The following LUZP2 variants were observed in gnomAD, a reference collection of about 807,000 sequenced individuals.
LUZP2 encodes the protein leucine zipper protein 2.
A neutral mutation model predicts 51.6 loss-of-function variants in LUZP2; 52 were observed. That is an observed-to-expected ratio of 1.01 (90% CI 0.81 to 1.27). The LOEUF (loss-of-function observed/expected upper bound fraction) is 1.27, where lower values mean the gene tolerates loss of function less well. LUZP2 is among the 50% of genes most tolerant of loss of function. The pLI is 0.00. For synonymous variants in LUZP2, 154 were observed against 137.3 expected (o/e 1.12, Z -0.85); for missense variants, 436 against 395.4 (o/e 1.10, Z -0.87).
chr11:24,582,772 G>T (rs762770487), intron 1 of LUZP2, among the ~76,000 whole-genome samples: 1 of 151,374 alleles, frequency 6.6e-6, no homozygotes, highest in African/African-American at 2.4e-5. Context: ...TGTTTTTTTT[G>T]ACTACATTGG....
chr11:25,014,900 T>C (rs1857103007), intron 9 of LUZP2, among the ~76,000 whole-genome samples: 1 of 152,144 alleles, frequency 6.6e-6, no homozygotes, highest in South Asian at 2.1e-4. Context: ...CATTTAAGTC[T>C]TTACTCCATC....
At chr11:24,545,351 T>G (rs1438159385) in intron 1 of LUZP2, among the ~76,000 whole-genome samples, 1 of 151,872 alleles carries the variant, frequency 6.6e-6, no homozygotes, top group Non-Finnish European at 1.5e-5. Context: ...CTTTGCTCCT[T>G]TTTATTTCCA....
At chr11:24,856,874 A>G (rs933513600) in intron 5 of LUZP2, among the ~76,000 whole-genome samples, 4 of 152,064 alleles carry the variant, frequency 2.6e-5, no homozygotes, top group Non-Finnish European at 5.9e-5. Flanking sequence ...CTCACTTATA[A>G]GTGGGAGCTA....
At chr11:24,653,374 A>C (rs552677427) in intron 1 of LUZP2, among the ~76,000 whole-genome samples, 15 of 152,284 alleles carry the variant, frequency 9.9e-5, no homozygotes, top group African/African-American at 3.6e-4. Flanking sequence ...AGTTTTCATT[A>C]TACCCCCAAA....
intron 1 of LUZP2, among the ~76,000 whole-genome samples, chr11:24,602,140 A>ATATATG (rs1565020445): frequency 1.3e-5 from 1 of 78,600 alleles, no homozygotes; most frequent in Non-Finnish European, 2.5e-5. Context: ...ATGTGTATAT[A>ATATATG]TGTATATATG....
At chr11:24,619,135 C>T (rs1056007846) in intron 1 of LUZP2, among the ~76,000 whole-genome samples, 21 of 151,992 alleles carry the variant, frequency 1.4e-4, no homozygotes, top group Non-Finnish European at 2.8e-4. Flanking sequence ...CTCAGGCTAT[C>T]CCCCTGCTTC....
intron 1 of LUZP2, among the ~76,000 whole-genome samples, chr11:24,502,911 A>C (rs1850041586): frequency 6.6e-6 from 1 of 152,214 alleles, no homozygotes; most frequent in South Asian, 2.1e-4. Context: ...GGTAGGGTAG[A>C]CTTGAAAGTT....
At chr11:24,839,718 A>G (rs1850965441) in intron 5 of LUZP2, among the ~76,000 whole-genome samples, 1 of 151,710 alleles carries the variant, frequency 6.6e-6, no homozygotes, top group Admixed American at 6.6e-5. Flanking sequence ...CAAAATAGTT[A>G]AGATACAGAA....
chr11:24,525,456 CTG>C (rs1850769822), intron 1 of LUZP2, among the ~76,000 whole-genome samples: 1 of 151,060 alleles, frequency 6.6e-6, no homozygotes, highest in African/African-American at 2.4e-5. Flanking sequence ...AGGAATCAGT[CTG>C]TGAAAATATT....
intron 1 of LUZP2, among the ~76,000 whole-genome samples, chr11:24,699,086 A>ACAC (rs1857338647): frequency 1.4e-5 from 2 of 138,370 alleles, no homozygotes; most frequent in Admixed American, 1.5e-4. Flanking sequence ...AAACCACAGA[A>ACAC]ACACACACAC....
intron 9 of LUZP2, among the ~76,000 whole-genome samples, chr11:24,999,813 C>T (rs1355086594): frequency 2.0e-5 from 3 of 152,162 alleles, no homozygotes; most frequent in Non-Finnish European, 2.9e-5. Context: ...GTCTCACTGA[C>T]TTCAAGAATG....
chr11:24,582,032 C>A (rs186795007), intron 1 of LUZP2, among the ~76,000 whole-genome samples: 1 of 152,172 alleles, frequency 6.6e-6, no homozygotes, highest in East Asian at 1.9e-4. Context: ...AGCCATGATT[C>A]TATTTTGAAT....
intron 1 of LUZP2, among the ~76,000 whole-genome samples, chr11:24,653,678 C>T (rs1427119076): frequency 1.3e-5 from 2 of 152,104 alleles, no homozygotes; most frequent in Non-Finnish European, 2.9e-5. Flanking sequence ...ACTGCACCTA[C>T]CGCTGGGGTT....
chr11:24,726,829 A>G (rs553901085), intron 1 of LUZP2, among the ~76,000 whole-genome samples: 2 of 152,218 alleles, frequency 1.3e-5, no homozygotes, highest in East Asian at 1.9e-4. Context: ...GAAAATTATT[A>G]GAAGATGAAC....
At chr11:24,512,788 T>TCA (rs1850352864) in intron 1 of LUZP2, among the ~76,000 whole-genome samples, 1 of 151,676 alleles carries the variant, frequency 6.6e-6, no homozygotes, top group Non-Finnish European at 1.5e-5. Flanking sequence ...CTCACTCTGT[T>TCA]GCCCAGGCTG....
At chr11:24,687,588 C>T (rs1026412842) in intron 1 of LUZP2, among the ~76,000 whole-genome samples, 3 of 152,140 alleles carry the variant, frequency 2.0e-5, no homozygotes, top group Admixed American at 6.6e-5. Flanking sequence ...TAACTGTGAT[C>T]ATCATATCTT....
intron 1 of LUZP2, among the ~76,000 whole-genome samples, chr11:24,606,161 G>T (rs1038433669): frequency 1.3e-5 from 2 of 151,532 alleles, no homozygotes; most frequent in Admixed American, 1.3e-4. Context: ...GTGTATGTGG[G>T]TAGACACACA....
At chr11:24,680,898 C>T (rs1856710514) in intron 1 of LUZP2, among the ~76,000 whole-genome samples, 1 of 152,082 alleles carries the variant, frequency 6.6e-6, no homozygotes, top group African/African-American at 2.4e-5. Flanking sequence ...CTTTGGACTG[C>T]TGTAACAACA....
At chr11:24,721,778 G>A (rs1177031578) in intron 1 of LUZP2, among the ~76,000 whole-genome samples, 3 of 152,058 alleles carry the variant, frequency 2.0e-5, no homozygotes, top group Non-Finnish European at 2.9e-5. Flanking sequence ...TGTTGAAATT[G>A]ACAAACCAAT....
Sources: allele counts gnomAD v4.1 joint callset (sites outside exome capture counted in the v4.1 genomes callset), GRCh38; gene constraint gnomAD v4.1.1; transcripts MANE v1.5; gene names NCBI Gene and HGNC (gene_info 2026-07-23, HGNC 2026-07-21).